Variants in SMARCD1 observed in about 807,000 individuals in gnomAD.
SMARCD1 encodes the protein SWI/SNF related BAF chromatin remodeling complex subunit D1, also known as SWI/SNF-related matrix-associated actin-dependent regulator of chromatin subfamily D member 1.
SMARCD1 carries 16 observed loss-of-function variants against 70.8 expected under a neutral mutation model. The observed-to-expected ratio is 0.23, with a 90% CI of 0.15 to 0.34. The LOEUF is 0.34. Ranked by LOEUF, SMARCD1 falls within the 10% of genes least tolerant of loss-of-function variation. The pLI, the probability that SMARCD1 is intolerant of heterozygous loss-of-function variation, is 1.00. For missense variants in SMARCD1, 409 were observed against 655.5 expected, an observed-to-expected ratio of 0.62 and a Z score of 4.11; for synonymous variants, 249 against 246.0, an observed-to-expected ratio of 1.01 and a Z score of -0.11.
At position 50,099,924 on chromosome 12, in the gene SMARCD1, G is replaced by C. The variant is rs908823336; in HGVS notation, c.*924G>C. 1 of 152,780 alleles carries C rather than the reference G, an allele frequency of 6.5e-6. No individual in the cohort carries two copies. Among genetic ancestry groups the C allele is most frequent in the African/African-American group, 2.4e-5 (1 of 41,448 alleles). 9.5% of individuals were successfully genotyped at this position (152,780 alleles called of 1,614,324 possible). On this transcript the variant is annotated 3_prime_UTR_variant, in exon 13 of 13. Transcript: ENST00000394963. Reference sequence around the variant, plus strand: ...GGGTAAAAAGCCCTGGGCCATCCCTGTCTTCCTGTCCCTTGTCTGCCCAGT... The same window carrying C: ...GGGTAAAAAGCCCTGGGCCATCCCTCTCTTCCTGTCCCTTGTCTGCCCAGT...
chr12:50,088,456 A>G, intron 5 of SMARCD1, 65 bp from the exon 6 acceptor site: 1 of 868,994 alleles, frequency 1.2e-6, no homozygotes, highest in Non-Finnish European at 1.9e-6. Context: ...CCTTTTTCAT[A>G]GGATTTTGTC....
rs1349666961 is a variant in SMARCD1 at position 50,096,832 on chromosome 12, C to G, written c.1270-18C>G. On this transcript the variant is annotated intron_variant, in intron 10 of 12. Transcript: ENST00000394963. Reference sequence around the variant, plus strand: ...TTTTCTAGTTTGAAAATGGTATGAGCTTCGTTCTTCCTTTCAGATCCATGA... The same window carrying G: ...TTTTCTAGTTTGAAAATGGTATGAGGTTCGTTCTTCCTTTCAGATCCATGA... 6.3e-7 allele frequency: 1 copy of G among 1,595,348 alleles called. No individual in the cohort carries two copies. The highest frequency in any genetic ancestry group is 1.7e-5 in the Admixed American group (1 of 58,226).
intron 4 of SMARCD1, 44 bp from the exon 5 acceptor site, chr12:50,087,319 G>T: frequency 6.2e-7 from 1 of 1,605,064 alleles, no homozygotes; most frequent in South Asian, 1.1e-5. Context: ...TTCAACATCA[G>T]ACCACTGAAG....
chr12:50,095,077 C>T (rs1950880764), intron 10 of SMARCD1, among the ~76,000 whole-genome samples: 2 of 152,198 alleles, frequency 1.3e-5, no homozygotes, highest in South Asian at 2.1e-4. Context: ...GGATTACAGG[C>T]GTGAGCCACC....
Position 50,089,958 on chromosome 12 carries a change from T to C in SMARCD1, c.846T>C (p.Cys282=). 2 of 1,614,132 alleles carry C rather than the reference T, an allele frequency of 1.2e-6. No homozygotes were observed. The highest frequency in any genetic ancestry group is 1.7e-6 in the Non-Finnish European group (2 of 1,179,980). ...GGCCGGGAGACGTGAATGTACGGTGTACTGTCCTACTGATGCTGGATTACC... is the reference window on the plus strand; with the variant it reads ...GGCCGGGAGACGTGAATGTACGGTGCACTGTCCTACTGATGCTGGATTACC... ...VKRPGDVNVR[C]TVLLMLDYQP... is the part of the protein sequence containing the mutation. The change falls in exon 7 of 13, where the codon TGT becomes TGC. Residue 282 remains cysteine, a synonymous_variant. Coordinates refer to ENST00000394963, the MANE Select transcript of SMARCD1 (RefSeq NM_003076.5).
At chr12:50,097,450 G>A (rs969453599) in intron 11 of SMARCD1, among the ~76,000 whole-genome samples, 2 of 152,108 alleles carry the variant, frequency 1.3e-5, no homozygotes, top group Admixed American at 6.5e-5. Flanking sequence ...TACTTGGGAG[G>A]CTAAGGCAGG....
intron 9 of SMARCD1, 144 bp downstream of exon 9, chr12:50,090,734 CTTATAA>C (rs990580650): frequency 5.7e-6 from 3 of 525,416 alleles, no homozygotes; most frequent in African/African-American, 3.9e-5. Context: ...ATTACATAAA[CTTATAA>C]TTAAATATAT....
Position 50,090,222 on chromosome 12 carries a change from A to G in SMARCD1, c.874-19A>G, listed in dbSNP as rs748341632. On this transcript the variant is annotated intron_variant, in intron 7 of 12. Transcript: ENST00000394963. ...ACGCAGCTAACTAGCTTCATCCCCTATACTTTGGTTCCCTGCAGCCTCCCC... is the reference window on the plus strand; with the variant it reads ...ACGCAGCTAACTAGCTTCATCCCCTGTACTTTGGTTCCCTGCAGCCTCCCC... 5.0e-6 allele frequency: 8 copies of G among 1,600,938 alleles called. No individual in the cohort carries two copies. The highest frequency in any genetic ancestry group is 6.8e-6 in the Non-Finnish European group (8 of 1,173,858).
At chr12:50,094,663 C>T (rs982634018) in intron 10 of SMARCD1, 91 bp downstream of exon 10, 38 of 1,243,482 alleles carry the variant, frequency 3.1e-5, no homozygotes, top group African/African-American at 2.7e-4. Context: ...ATTCAAAATA[C>T]GGTGACACCC....
chr12:50,099,606 T>G lies in SMARCD1; in HGVS notation c.*606T>G, dbSNP rs1024587600. 2.9e-6 allele frequency: 1 copy of G among 341,650 alleles called. No individual in the cohort carries two copies. Among genetic ancestry groups the G allele is most frequent in the Non-Finnish European group, 5.3e-6 (1 of 189,882 alleles). The allele number at this position is 341,650 out of a possible 1,614,324, so 21.2% of individuals were successfully genotyped here. A position where few individuals can be genotyped will look rare whatever the true frequency, so the allele number is the denominator to read the frequency against. On this transcript the variant is annotated 3_prime_UTR_variant, in exon 13 of 13. Transcript: ENST00000394963. ...TCTGGGTTGGCCTGCTGTCAGTGCT[T>G]CTCTCACTCCTTAGTTGGGGTCCAC...
At chr12:50,086,002 A>T in intron 1 of SMARCD1, 159 bp from the exon 2 acceptor site, 1 of 467,574 alleles carries the variant, frequency 2.1e-6, no homozygotes, top group Non-Finnish European at 3.6e-6. Context: ...CTGTTTTTCT[A>T]TGGAGTCACT....
At chr12:50,089,801 A>G (rs1950824651) in intron 6 of SMARCD1, 83 bp from the exon 7 acceptor site, 3 of 967,246 alleles carry the variant, frequency 3.1e-6, no homozygotes, top group African/African-American at 3.2e-5. Context: ...TCAAAGTTGA[A>G]TATTCAGTCA....
rs747385757 is a variant in SMARCD1, at chr12:50,090,389, A to G, written c.1022A>G (p.Lys341Arg). ...PHEREFVICD[K>R]YLQQIFESQR... ...GAGCGGGAGTTTGTCATCTGTGACA[A>G]GTACCTGCAGCAGGTAAGTAATGGA... Residue 341 changes from lysine (K) to arginine (R), a missense_variant, in exon 8 of 13, where the codon AAG becomes AGG. Coordinates refer to ENST00000394963, the MANE Select transcript of SMARCD1 (RefSeq NM_003076.5). 6.2e-7 allele frequency: 1 copy of G among 1,614,014 alleles called. No individual in the cohort carries two copies.
At position 50,096,872 on chromosome 12, in the gene SMARCD1, T is replaced by G; in HGVS notation, c.1292T>G (p.Ile431Ser). The G allele has an allele frequency of 6.2e-7, 1 of 1,612,688 alleles. No homozygotes were observed. The highest frequency in any genetic ancestry group is 8.5e-7 in the Non-Finnish European group (1 of 1,178,854). ...DNKIHETIET[I>S]NQLKTQREFM... ...CAGATCCATGAGACAATAGAAACCA[T>G]CAACCAGCTGAAGACTCAGCGGGAG... Residue 431 changes from isoleucine (I) to serine (S), a missense_variant, in exon 11 of 13, where the codon ATC (isoleucine) becomes AGC (serine). By Grantham distance (142) the Ile-to-Ser change is moderately radical. This residue lies in a region of SMARCD1 where 269 missense variants were observed against 498.6 expected (regional missense o/e 0.54). Coordinates refer to ENST00000394963, the MANE Select transcript of SMARCD1 (RefSeq NM_003076.5).
At chr12:50,091,870 G>A (rs1037915366) in intron 9 of SMARCD1, among the ~76,000 whole-genome samples, 7 of 152,022 alleles carry the variant, frequency 4.6e-5, no homozygotes, top group Non-Finnish European at 8.8e-5. Flanking sequence ...GAGCCACTGC[G>A]CCCGGCTGAA....
At chr12:50,098,915 A>G (rs1400794699) in intron 12 of SMARCD1, 32 bp from the exon 13 acceptor site, 8 of 1,612,578 alleles carry the variant, frequency 5.0e-6, no homozygotes, top group Middle Eastern at 1.6e-4. Flanking sequence ...GGTTTGTCTC[A>G]TCTTCCACTC....
In SMARCD1 at chr12:50,099,151, G is replaced by A. The variant is rs1392232837; in HGVS notation, c.*151G>A. 1 of 689,580 alleles carries A rather than the reference G, an allele frequency of 1.5e-6. No homozygotes were observed. Among genetic ancestry groups the A allele is most frequent in the African/African-American group, 1.8e-5 (1 of 56,422 alleles). 42.7% of individuals were successfully genotyped at this position (689,580 alleles called of 1,614,324 possible). The stretch of plus-strand genomic sequence containing the variant: ...CACCAGAATGAAGAGGGTCTCACAA[G>A]ACACCTGTTATCCTCTTCTTTCACC... On this transcript the variant is annotated 3_prime_UTR_variant, in exon 13 of 13. Transcript: ENST00000394963.
rs543420481 is a variant in SMARCD1 at position 50,085,966 on chromosome 12, T to A, written c.178-195T>A. On this transcript the variant is annotated intron_variant, in intron 1 of 12. Transcript: ENST00000394963. ...AAATAGACTGAGAATTTGAGTATAA[T>A]CTGGCTCTCGCTTAGCTTTTGGACT... 4 of 418,208 alleles carry A rather than the reference T, an allele frequency of 9.6e-6. No homozygotes were observed. The East Asian group carries it at 1.4e-4, about 15-fold the overall frequency. 25.9% of individuals were successfully genotyped at this position (418,208 alleles called of 1,614,324 possible). A position where few individuals can be genotyped will look rare whatever the true frequency, so the allele number is the denominator to read the frequency against.
Position 50,088,528 on chromosome 12 carries a change from T to C in SMARCD1, c.662T>C (p.Leu221Ser). The change falls in exon 6 of 13, where the codon TTG (leucine) becomes TCG (serine). Residue 221 changes from leucine to serine, a missense_variant. Transcript: ENST00000394963. Reference sequence around the variant, plus strand: ...TTATTTTCTCTCCTCTAGTCAGCCTTGTCCAAATATGATGCCACTAAACAA... The same window carrying C: ...TTATTTTCTCTCCTCTAGTCAGCCTCGTCCAAATATGATGCCACTAAACAA... ...VEGRLLEDSA[L>S]SKYDATKQKR... is the part of the protein sequence containing the mutation. The C allele has an allele frequency of 6.3e-7, 1 of 1,582,662 alleles. No individual in the cohort carries two copies. The highest frequency in any genetic ancestry group is 8.6e-7 in the Non-Finnish European group (1 of 1,157,242).
Sources: allele counts gnomAD v4.1 joint callset (sites outside exome capture counted in the v4.1 genomes callset), GRCh38; gene constraint gnomAD v4.1.1; regional missense constraint gnomAD v4.1.1; transcripts MANE v1.5; gene names NCBI Gene and HGNC (gene_info 2026-07-23, HGNC 2026-07-21).